Variants in MGAT4A observed in about 807,000 individuals in gnomAD.
MGAT4A encodes the protein alpha-1,3-mannosyl-glycoprotein 4-beta-N-acetylglucosaminyltransferase A.
In MGAT4A, 33 loss-of-function variants were observed where a neutral mutation model predicts 74.1. The ratio of observed to expected loss-of-function variants is 0.45; its 90% confidence interval spans 0.34 to 0.60. The LOEUF (loss-of-function observed/expected upper bound fraction) is 0.60. MGAT4A is among the 20% of genes least tolerant of loss of function. The pLI is 0.02. For missense variants in MGAT4A, 479 were observed against 628.3 expected (o/e 0.76, Z 2.54); for synonymous variants, 198 against 210.4 (o/e 0.94, Z 0.51).
intron 9 of MGAT4A, among the ~76,000 whole-genome samples, chr2:98,644,464 G>T (rs1701456313): frequency 6.6e-6 from 1 of 152,130 alleles, no homozygotes; most frequent in Non-Finnish European, 1.5e-5. Context: ...TAAAGCATTT[G>T]CAAGTAAAGA....
At position 98,619,965 on chromosome 2, in the gene MGAT4A, C is replaced by G. The variant is rs1701022857; in HGVS notation, c.*5601G>C. On this transcript the variant is annotated 3_prime_UTR_variant, in exon 16 of 16. Coordinates refer to ENST00000393487, the MANE Select transcript of MGAT4A (RefSeq NM_012214.3). ...AATGTTACTTCGCGCAAAGTGCTTT[C>G]CCATCAATGCTCAGTTTACTTTCTT... is the stretch of plus-strand genomic sequence containing the variant. 2 of 152,176 alleles carry G rather than the reference C, an allele frequency of 1.3e-5. No individual in the cohort carries two copies. Among genetic ancestry groups the G allele is most frequent in the South Asian group, 4.1e-4 (2 of 4,824 alleles). 9.4% of individuals were successfully genotyped at this position (152,176 alleles called of 1,614,324 possible).
chr2:98,625,393 C>A lies in MGAT4A; in HGVS notation c.*173G>T. On this transcript the variant is annotated 3_prime_UTR_variant, in exon 16 of 16. Transcript: ENST00000393487. ...TTAAAATCTGAGGACAGCTTAGTTT[C>A]AAACAAATACAATTATTATGGGAGA... 7.0e-7 allele frequency: 1 copy of A among 1,431,850 alleles called. No individual in the cohort carries two copies. Among genetic ancestry groups the A allele is most frequent in the Admixed American group, 3.2e-5 (1 of 31,150 alleles). The allele number at this position is 1,431,850 out of a possible 1,614,324, so 88.7% of individuals were successfully genotyped here.
At chr2:98,627,535 C>T (rs1019537117) in intron 14 of MGAT4A, among the ~76,000 whole-genome samples, 1 of 152,168 alleles carries the variant, frequency 6.6e-6, no homozygotes, top group African/African-American at 2.4e-5. Flanking sequence ...GCCACCACAC[C>T]TGGCTAATTT....
chr2:98,648,948 T>A (rs923593776), intron 8 of MGAT4A, among the ~76,000 whole-genome samples: 2 of 152,136 alleles, frequency 1.3e-5, no homozygotes, highest in African/African-American at 4.8e-5. Context: ...AACAGGAGGA[T>A]CACTTGAGCC....
rs1701774756 is a variant in MGAT4A at position 98,663,092 on chromosome 2, T to A, written c.491A>T (p.Tyr164Phe). The change falls in exon 5 of 16, where the codon TAT (tyrosine) becomes TTT (phenylalanine). Residue 164 changes from tyrosine to phenylalanine, a missense_variant. Physicochemically the swap from Tyr to Phe is conservative, Grantham distance 22. Around this residue, in one of 3 missense-constraint regions of MGAT4A, gnomAD observed 205 missense variants for 232.7 expected, o/e 0.88. Transcript: ENST00000393487. ...AACACAGTCCAACTTCTCTTCAGGA[T>A]ACAGGTTATCAATAAGGGAATGAAG... ...ETLHSLIDNLYPEEKLDCVIV... is the reference protein window; with the variant it reads ...ETLHSLIDNLFPEEKLDCVIV... 1 of 1,600,082 alleles carries A rather than the reference T, an allele frequency of 6.2e-7. No homozygotes were observed. The highest frequency in any genetic ancestry group is 8.5e-7 in the Non-Finnish European group (1 of 1,171,044).
At chr2:98,712,194 C>T (rs749845939) in intron 2 of MGAT4A, among the ~76,000 whole-genome samples, 10 of 152,306 alleles carry the variant, frequency 6.6e-5, no homozygotes, top group Middle Eastern at 3.4e-3. Context: ...ATTAACACAG[C>T]GAATACCTTT....
chr2:98,622,331 A>C lies in MGAT4A; in HGVS notation c.*3235T>G. ...GTCAAGTGTGGTGGCCACTAGCTCCACATGGCCACTGAGTACTTGGAATGT... is the reference window on the plus strand; with the variant it reads ...GTCAAGTGTGGTGGCCACTAGCTCCCCATGGCCACTGAGTACTTGGAATGT... On this transcript the variant is annotated 3_prime_UTR_variant, in exon 16 of 16. Coordinates refer to ENST00000393487, the MANE Select transcript of MGAT4A (RefSeq NM_012214.3). 1.0e-6 allele frequency: 1 copy of C among 985,468 alleles called. No individual in the cohort carries two copies. The highest frequency in any genetic ancestry group is 1.2e-6 in the Non-Finnish European group (1 of 829,936). 61.0% of individuals were successfully genotyped at this position (985,468 alleles called of 1,614,324 possible). A position where few individuals can be genotyped will look rare whatever the true frequency, so the allele number is the denominator to read the frequency against.
rs546688247 is a variant in MGAT4A at position 98,628,174 on chromosome 2, G to GACTATTT, written c.1469-2346_1469-2340dup. Among the ~76,000 whole-genome samples, 850 of 152,234 alleles carry GACTATTT rather than the reference G, an allele frequency of 5.6e-3. 11 individuals are homozygous for GACTATTT. The highest frequency in any genetic ancestry group is 0.019 in the African/African-American group (795 of 41,530). On this transcript the variant is annotated intron_variant, in intron 14 of 15. Coordinates refer to ENST00000393487, the MANE Select transcript of MGAT4A (RefSeq NM_012214.3). ...CTCTTCTCTGTAGTTGTTCTAAACA[G>GACTATTT]ACTATTTACAGGGGCCAACCCTCAG...
At chr2:98,718,290 C>G (rs1198613999) in intron 2 of MGAT4A, among the ~76,000 whole-genome samples, 1 of 152,188 alleles carries the variant, frequency 6.6e-6, no homozygotes, top group East Asian at 1.9e-4. Context: ...TTGATGAAAT[C>G]TGGTAATGAA....
chr2:98,710,933 A>G (rs1004385272), intron 2 of MGAT4A, among the ~76,000 whole-genome samples: 2 of 152,154 alleles, frequency 1.3e-5, no homozygotes, highest in Admixed American at 1.3e-4. Flanking sequence ...AATAAGAAGT[A>G]TAAGAAGAAC....
chr2:98,683,895 G>T (rs1702095998), intron 2 of MGAT4A, among the ~76,000 whole-genome samples: 1 of 152,142 alleles, frequency 6.6e-6, no homozygotes, highest in Non-Finnish European at 1.5e-5. Context: ...TTCTAGCCCG[G>T]ATGCTATTGC....
At chr2:98,720,100 A>G (rs1702645281) in intron 2 of MGAT4A, among the ~76,000 whole-genome samples, 1 of 152,224 alleles carries the variant, frequency 6.6e-6, no homozygotes, top group South Asian at 2.1e-4. Context: ...AAAGAACGAA[A>G]TGGAAATTCT....
intron 4 of MGAT4A, among the ~76,000 whole-genome samples, chr2:98,668,713 C>G (rs953951280): frequency 6.6e-6 from 1 of 152,232 alleles, no homozygotes; most frequent in African/African-American, 2.4e-5. Context: ...ACACTCAACA[C>G]CAGCCCATGA....
intron 2 of MGAT4A, among the ~76,000 whole-genome samples, chr2:98,681,132 G>A (rs372083933): frequency 3.9e-5 from 6 of 152,074 alleles, no homozygotes; most frequent in Non-Finnish European, 7.4e-5. Context: ...ACAGGCGCCC[G>A]CCACCATGCC....
At chr2:98,642,963 GA>G in intron 10 of MGAT4A, among the ~76,000 whole-genome samples, 1 of 152,272 alleles carries the variant, frequency 6.6e-6, no homozygotes, top group Admixed American at 6.5e-5. Flanking sequence ...AGAAGGTCAT[GA>G]AGTCAAACTA....
chr2:98,674,244 A>T (rs1053730517), intron 4 of MGAT4A, among the ~76,000 whole-genome samples: 1 of 152,240 alleles, frequency 6.6e-6, no homozygotes, highest in Non-Finnish European at 1.5e-5. Flanking sequence ...ATGAATCTTG[A>T]TATCTATGAA....
At chr2:98,637,637 C>T (rs1701342247) in intron 12 of MGAT4A, among the ~76,000 whole-genome samples, 1 of 152,078 alleles carries the variant, frequency 6.6e-6, no homozygotes, top group Non-Finnish European at 1.5e-5. Context: ...TGAATCTAAA[C>T]CTAACTCTAG....
chr2:98,681,969 A>G (rs911209013), intron 2 of MGAT4A, among the ~76,000 whole-genome samples: 12 of 152,216 alleles, frequency 7.9e-5, no homozygotes, highest in Non-Finnish European at 1.6e-4. Context: ...AAGAACCAAA[A>G]TAAATATCGA....
At chr2:98,711,211 A>G (rs1386947886) in intron 2 of MGAT4A, among the ~76,000 whole-genome samples, 1 of 151,250 alleles carries the variant, frequency 6.6e-6, no homozygotes, top group African/African-American at 2.4e-5. Context: ...ACTAAAATCT[A>G]TATGATAAAT....
Sources: gnomAD v4.1 joint callset for allele counts (sites outside exome capture counted in the v4.1 genomes callset) on GRCh38, gnomAD v4.1.1 for gene constraint, gnomAD v4.1.1 regional missense constraint, MANE v1.5 for transcripts, NCBI Gene and HGNC (gene_info 2026-07-23, HGNC 2026-07-21) for gene names.